PHF6: variants seen among roughly 807,000 people sequenced by gnomAD.
The protein encoded by PHF6 is PHD finger protein 6.
In PHF6, 7 loss-of-function variants were observed where a neutral mutation model predicts 34.0. That is an observed-to-expected ratio of 0.21 (90% CI 0.12 to 0.39). The LOEUF (loss-of-function observed/expected upper bound fraction) is 0.39, where lower values mean the gene tolerates loss of function less well. PHF6 is among the 10% of genes least tolerant of loss of function. PHF6 has a pLI of 1.00. For synonymous variants in PHF6, 89 were observed against 88.4 expected (o/e 1.01, Z -0.04); for missense variants, 128 against 262.8 (o/e 0.49, Z 3.55).
At chrX:134,379,393 C>T (rs2077293922) in intron 3 of PHF6, among the ~76,000 whole-genome samples, 1 of 103,409 alleles carries the variant, frequency 9.7e-6, no homozygotes, top group African/African-American at 3.5e-5. Context: ...TAATAGAAAG[C>T]TCTGGGGTTT....
chrX:134,421,012 G>T (rs2077489884), intron 9 of PHF6, among the ~76,000 whole-genome samples: 1 of 111,312 alleles, frequency 9.0e-6, no homozygotes, highest in South Asian at 3.8e-4. Flanking sequence ...GTACAATTTT[G>T]ATCAAATCCA....
chrX:134,390,966 C>CTTTTTTTTTTTTTTTTTTTTTT (rs60513999), intron 3 of PHF6, among the ~76,000 whole-genome samples: 3 of 92,817 alleles, frequency 3.2e-5, no homozygotes, highest in Non-Finnish European at 4.3e-5. Context: ...TTCTTTTTTT[C>CTTTTTTTTTTTTTTTTTTTTTT]TTTTTTTTTT....
chrX:134,379,280 C>T (rs1287667359), intron 3 of PHF6, among the ~76,000 whole-genome samples: 2 of 110,712 alleles, frequency 1.8e-5, no homozygotes, highest in Non-Finnish European at 3.8e-5. Flanking sequence ...ATCCTAGTAT[C>T]AGTATTAGTA....
chrX:134,395,769 C>T (rs6638221), intron 5 of PHF6, among the ~76,000 whole-genome samples: 33,041 of 110,776 alleles, frequency 0.3, 4,098 homozygotes, highest in East Asian at 0.65. Context: ...CTTCTGGACT[C>T]GAGATTAGTC....
intron 5 of PHF6, among the ~76,000 whole-genome samples, chrX:134,398,497 G>A (rs985178230): frequency 8.9e-6 from 1 of 111,951 alleles, no homozygotes; most frequent in African/African-American, 3.2e-5. Flanking sequence ...AACAGCAAGA[G>A]GTAATTGAGG....
intron 3 of PHF6, among the ~76,000 whole-genome samples, chrX:134,385,064 T>G (rs2077326038): frequency 8.9e-6 from 1 of 111,872 alleles, no homozygotes; most frequent in East Asian, 2.8e-4. Context: ...ACTCCCTAAC[T>G]GGAAACCTTT....
chrX:134,398,441 A>C (rs919270221), intron 5 of PHF6, among the ~76,000 whole-genome samples: 4 of 111,754 alleles, frequency 3.6e-5, no homozygotes, highest in African/African-American at 1.3e-4. Flanking sequence ...GGTTGGGAGA[A>C]GAATACATGG....
intron 3 of PHF6, among the ~76,000 whole-genome samples, chrX:134,378,809 G>C: frequency 8.9e-6 from 1 of 112,014 alleles, no homozygotes; most frequent in East Asian, 2.8e-4. Flanking sequence ...ACGGGATCTC[G>C]TTATATTGCC....
intron 3 of PHF6, among the ~76,000 whole-genome samples, chrX:134,384,922 A>G (rs2077325224): frequency 9.0e-6 from 1 of 111,583 alleles, no homozygotes. Context: ...AAGTGCTGGG[A>G]TTACAGGCGT....
chrX:134,404,866 T>C (rs868408605), intron 5 of PHF6, among the ~76,000 whole-genome samples: 2 of 111,926 alleles, frequency 1.8e-5, no homozygotes, highest in African/African-American at 6.5e-5. Flanking sequence ...GTACATACCC[T>C]TTTTTTATAC....
intron 5 of PHF6, among the ~76,000 whole-genome samples, chrX:134,397,376 C>T (rs752426740): frequency 6.2e-5 from 7 of 112,087 alleles, no homozygotes; most frequent in Non-Finnish European, 1.3e-4. Flanking sequence ...TGGGCTGGCA[C>T]GGTGGCTCAC....
intron 3 of PHF6, among the ~76,000 whole-genome samples, chrX:134,379,858 A>T (rs923962398): frequency 8.9e-6 from 1 of 112,219 alleles, no homozygotes; most frequent in Non-Finnish European, 1.9e-5. Flanking sequence ...TCCTTAAAAT[A>T]AATGCAGATA....
At chrX:134,421,277 C>T (rs888639607) in intron 9 of PHF6, among the ~76,000 whole-genome samples, 5 of 105,834 alleles carry the variant, frequency 4.7e-5, no homozygotes, top group Admixed American at 1.0e-4. Context: ...GTGTAGGTCT[C>T]CTTCCACATA....
Position 134,377,652 on chromosome X carries a change from C to A in PHF6, c.35C>A (p.Thr12Lys), listed in dbSNP as rs1569334235. ...SSSVEQKKGP[T>K]RQRKCGFCKS... is the part of the protein sequence containing the mutation. ...TCAGTTGAACAGAAAAAAGGGCCTA[C>A]AAGACAGCGCAAATGTGGCTTTTGT... Residue 12 changes from threonine (T) to lysine (K), a missense_variant, in exon 2 of 11, where the codon ACA (threonine) becomes AAA (lysine). Physicochemically the swap from Thr to Lys is moderately conservative, Grantham distance 78. Coordinates refer to ENST00000370803, the MANE Select transcript of PHF6 (RefSeq NM_001015877.2). The A allele has an allele frequency of 8.3e-7, 1 of 1,210,401 alleles. No homozygotes were observed. Among genetic ancestry groups the A allele is most frequent in the East Asian group, 3.0e-5 (1 of 33,812 alleles).
At chrX:134,384,653 CTTTTTCTTTT>C (rs2077323006) in intron 3 of PHF6, among the ~76,000 whole-genome samples, 1 of 80,858 alleles carries the variant, frequency 1.2e-5, no homozygotes, top group Non-Finnish European at 2.7e-5. Flanking sequence ...TTCTTTCTTT[CTTTTTCTTTT>C]TTTTTTGAGA....
intron 9 of PHF6, chrX:134,418,068 A>G (rs1478222700): frequency 9.0e-6 from 1 of 111,445 alleles, no homozygotes; most frequent in Non-Finnish European, 1.9e-5. Flanking sequence ...TGAAGGAAAT[A>G]GTGCTCAGCT....
At chrX:134,384,865 A>C (rs1003150032) in intron 3 of PHF6, among the ~76,000 whole-genome samples, 4 of 110,565 alleles carry the variant, frequency 3.6e-5, no homozygotes, top group Non-Finnish European at 7.6e-5. Flanking sequence ...GTTAGCCAGG[A>C]TGGTCTTGAT....
chrX:134,394,326 G>T (rs1480111078), intron 5 of PHF6, among the ~76,000 whole-genome samples: 1 of 110,223 alleles, frequency 9.1e-6, no homozygotes, highest in Non-Finnish European at 1.9e-5. Context: ...TAGAGATGGG[G>T]TTTCACTGTG....
At chrX:134,423,025 CTATT>C (rs1365341072) in intron 9 of PHF6, among the ~76,000 whole-genome samples, 1 of 112,137 alleles carries the variant, frequency 8.9e-6, no homozygotes, top group Non-Finnish European at 1.9e-5. Flanking sequence ...CTTGCTTTAT[CTATT>C]GTTTATTTTC....
Sources: gnomAD v4.1 joint callset for allele counts (sites outside exome capture counted in the v4.1 genomes callset) on GRCh38, gnomAD v4.1.1 for gene constraint, MANE v1.5 for transcripts, NCBI Gene and HGNC (gene_info 2026-07-23, HGNC 2026-07-21) for gene names.